Variants in KCND2 observed in about 807,000 individuals in gnomAD.
KCND2 encodes potassium voltage-gated channel subfamily D member 2, also known as A-type voltage-gated potassium channel KCND2.
A neutral mutation model predicts 54.4 loss-of-function variants in KCND2; 16 were observed. That is an observed-to-expected ratio of 0.29 (90% CI 0.20 to 0.45). The LOEUF (loss-of-function observed/expected upper bound fraction) is 0.45, where lower values mean the gene tolerates loss of function less well. Among genes scored for constraint, KCND2 ranks in the 20% least tolerant of loss-of-function variants. KCND2 has a pLI of 1.00. For missense variants in KCND2, 486 were observed against 824.2 expected (o/e 0.59, Z 5.02); for synonymous variants, 317 against 310.7 (o/e 1.02, Z -0.21).
At chr7:120,334,010 A>G (rs1327207606) in intron 1 of KCND2, among the ~76,000 whole-genome samples, 1 of 152,312 alleles carries the variant, frequency 6.6e-6, no homozygotes, top group African/African-American at 2.4e-5. Flanking sequence ...ATGCTATAGT[A>G]TAAAGGCAGA....
chr7:120,456,269 A>C (rs2116228684), intron 1 of KCND2, among the ~76,000 whole-genome samples: 1 of 152,342 alleles, frequency 6.6e-6, no homozygotes, highest in East Asian at 1.9e-4. Context: ...ATGACTAGGT[A>C]GGTGGGTGAC....
At chr7:120,626,283 T>C (rs777360002) in intron 1 of KCND2, among the ~76,000 whole-genome samples, 2 of 152,176 alleles carry the variant, frequency 1.3e-5, no homozygotes, top group Non-Finnish European at 2.9e-5. Flanking sequence ...CTACATCATA[T>C]TTAAGCATTC....
intron 1 of KCND2, among the ~76,000 whole-genome samples, chr7:120,637,610 A>G (rs1011376763): frequency 5.9e-5 from 9 of 152,108 alleles, no homozygotes; most frequent in Non-Finnish European, 1.0e-4. Context: ...TAAGGCCACA[A>G]TTTCTCTAGC....
At chr7:120,340,683 G>A (rs1214367092) in intron 1 of KCND2, among the ~76,000 whole-genome samples, 1 of 152,166 alleles carries the variant, frequency 6.6e-6, no homozygotes, top group Non-Finnish European at 1.5e-5. Context: ...TGGCAATCCA[G>A]AGTTCATTGG....
At chr7:120,324,763 G>A (rs1378504568) in intron 1 of KCND2, among the ~76,000 whole-genome samples, 1 of 152,036 alleles carries the variant, frequency 6.6e-6, no homozygotes, top group African/African-American at 2.4e-5. Flanking sequence ...TTTTGGCTTA[G>A]GATTGACTTG....
chr7:120,443,351 TAAA>T (rs959318682), intron 1 of KCND2, among the ~76,000 whole-genome samples: 1 of 123,052 alleles, frequency 8.1e-6, no homozygotes, highest in Non-Finnish European at 1.7e-5. Flanking sequence ...ATAACAATAA[TAAA>T]TAATAATAAT....
At chr7:120,358,775 A>G (rs1303486418) in intron 1 of KCND2, among the ~76,000 whole-genome samples, 2 of 152,154 alleles carry the variant, frequency 1.3e-5, no homozygotes, top group African/African-American at 4.8e-5. Context: ...ATTTCGAACT[A>G]TGTGCAGGCT....
intron 1 of KCND2, among the ~76,000 whole-genome samples, chr7:120,565,558 G>T (rs1321221083): frequency 6.6e-6 from 1 of 152,128 alleles, no homozygotes; most frequent in East Asian, 1.9e-4. Flanking sequence ...GATCCATTAA[G>T]TGCTAACAAA....
intron 1 of KCND2, among the ~76,000 whole-genome samples, chr7:120,732,475 T>G (rs373990025): frequency 3.3e-5 from 5 of 152,266 alleles, no homozygotes; most frequent in African/African-American, 1.2e-4. Context: ...AGGAATGTGA[T>G]GTGCTACTTT....
chr7:120,624,617 A>G (rs977243732), intron 1 of KCND2, among the ~76,000 whole-genome samples: 82 of 152,064 alleles, frequency 5.4e-4, no homozygotes, highest in African/African-American at 1.8e-3. Context: ...TTGTCTCAAG[A>G]AAAAAATTCA....
At chr7:120,330,662 G>A (rs1010683303) in intron 1 of KCND2, among the ~76,000 whole-genome samples, 14 of 133,828 alleles carry the variant, frequency 1.0e-4, no homozygotes, top group Non-Finnish European at 1.8e-4. Flanking sequence ...TCAAACAAAA[G>A]CTTCAGAAAT....
chr7:120,625,970 C>T (rs1793159118), intron 1 of KCND2, among the ~76,000 whole-genome samples: 1 of 151,956 alleles, frequency 6.6e-6, no homozygotes, highest in African/African-American at 2.4e-5. Context: ...AATATGTAAG[C>T]AAGGACAATA....
At chr7:120,645,434 G>A (rs1471748990) in intron 1 of KCND2, among the ~76,000 whole-genome samples, 1 of 152,160 alleles carries the variant, frequency 6.6e-6, no homozygotes, top group Admixed American at 6.5e-5. Flanking sequence ...ATGACCAGTT[G>A]CATGCTAACA....
chr7:120,284,220 C>T (rs1389307919), intron 1 of KCND2, among the ~76,000 whole-genome samples: 1 of 152,014 alleles, frequency 6.6e-6, no homozygotes, highest in East Asian at 1.9e-4. Context: ...GCATCTTACC[C>T]AGTTCTTTCC....
chr7:120,507,596 C>T (rs1803045687), intron 1 of KCND2, among the ~76,000 whole-genome samples: 1 of 151,858 alleles, frequency 6.6e-6, no homozygotes, highest in African/African-American at 2.4e-5. Context: ...AATATGATGA[C>T]TACTGCCGCA....
chr7:120,684,787 C>G (rs1380639185), intron 1 of KCND2, among the ~76,000 whole-genome samples: 1 of 152,076 alleles, frequency 6.6e-6, no homozygotes, highest in African/African-American at 2.4e-5. Context: ...AGGTCAGCAG[C>G]GGTTTTAGAA....
chr7:120,625,729 T>C (rs1475670640), intron 1 of KCND2, among the ~76,000 whole-genome samples: 1 of 152,098 alleles, frequency 6.6e-6, no homozygotes, highest in Non-Finnish European at 1.5e-5. Flanking sequence ...CTGAAAAATT[T>C]ATGGGATAAC....
At chr7:120,541,408 T>C (rs1791978075) in intron 1 of KCND2, among the ~76,000 whole-genome samples, 1 of 151,536 alleles carries the variant, frequency 6.6e-6, no homozygotes, top group South Asian at 2.1e-4. Flanking sequence ...AATTTTTTTT[T>C]CCATATAGAC....
chr7:120,347,067 A>G (rs1563017172), intron 1 of KCND2, among the ~76,000 whole-genome samples: 1 of 152,050 alleles, frequency 6.6e-6, no homozygotes, highest in Admixed American at 6.5e-5. Flanking sequence ...AAGCTGTAAT[A>G]TGAGCAACAT....
Sources: gnomAD v4.1 joint callset for allele counts (sites outside exome capture counted in the v4.1 genomes callset) on GRCh38, gnomAD v4.1.1 for gene constraint, MANE v1.5 for transcripts, NCBI Gene and HGNC (gene_info 2026-07-23, HGNC 2026-07-21) for gene names.